Variants in MGLL observed in about 807,000 individuals in gnomAD.
MGLL encodes monoglyceride lipase.
MGLL carries 7 observed loss-of-function variants against 29.1 expected under a neutral mutation model. That is an observed-to-expected ratio of 0.24 (90% CI 0.14 to 0.45). The LOEUF (loss-of-function observed/expected upper bound fraction) is 0.45. MGLL is among the 20% of genes least tolerant of loss of function. The probability of loss-of-function intolerance (pLI) is 0.99; values close to 1 mark genes in which losing one functional copy is unlikely to be tolerated. For synonymous variants in MGLL, 148 were observed against 168.3 expected (o/e 0.88, Z 0.93); for missense variants, 356 against 413.6 (o/e 0.86, Z 1.21).
chr3:127,706,092 A>G (rs1039262177), intron 6 of MGLL, among the ~76,000 whole-genome samples: 1 of 152,218 alleles, frequency 6.6e-6, no homozygotes, highest in Non-Finnish European at 1.5e-5. Flanking sequence ...TTCTGGGTAC[A>G]TACATACCCA....
At position 127,772,370 on chromosome 3, in the gene MGLL, G is replaced by T. The variant is rs548047687; in HGVS notation, c.262+9419C>A. ...ATTGTTAGCCCATTTTACAGATGAG[G>T]AGTGTGAAGTCCGGAGAAGTCAAGT... is the stretch of plus-strand genomic sequence containing the variant. On this transcript the variant is annotated intron_variant, in intron 3 of 7. Transcript: ENST00000265052. Among the ~76,000 whole-genome samples, 9 of 152,318 alleles carry T rather than the reference G, an allele frequency of 5.9e-5. No homozygotes were observed. In the South Asian group the frequency reaches 8.3e-4, roughly 14 times the overall value.
At chr3:127,806,545 G>A (rs1301976453) in intron 2 of MGLL, among the ~76,000 whole-genome samples, 1 of 151,988 alleles carries the variant, frequency 6.6e-6, no homozygotes, top group African/African-American at 2.4e-5. Flanking sequence ...TGGACGGATG[G>A]ACTGAAGGAT....
At chr3:127,813,584 C>A (rs2077702196) in intron 2 of MGLL, among the ~76,000 whole-genome samples, 1 of 152,182 alleles carries the variant, frequency 6.6e-6, no homozygotes, top group Non-Finnish European at 1.5e-5. Context: ...GGATGAAAAG[C>A]CTGAAGCAGA....
intron 5 of MGLL, among the ~76,000 whole-genome samples, chr3:127,719,258 C>G (rs1040612815): frequency 2.6e-5 from 4 of 152,208 alleles, no homozygotes; most frequent in African/African-American, 9.7e-5. Flanking sequence ...TGCCAGGTCC[C>G]CCTGGTGCAC....
At chr3:127,790,490 G>A (rs189332138) in intron 2 of MGLL, among the ~76,000 whole-genome samples, 20 of 152,280 alleles carry the variant, frequency 1.3e-4, no homozygotes, top group Middle Eastern at 3.4e-3. Context: ...TGTCGTGGAC[G>A]ATTTACTCCC....
At chr3:127,805,313 T>C (rs542243443) in intron 2 of MGLL, among the ~76,000 whole-genome samples, 2 of 152,206 alleles carry the variant, frequency 1.3e-5, no homozygotes, top group East Asian at 3.9e-4. Flanking sequence ...GAGACGAGCA[T>C]TGAGTGATGA....
rs113451808 is a variant in MGLL at position 127,821,840 on chromosome 3, T to C, written c.11-2A>G. The C allele has an allele frequency of 6.2e-7, 1 of 1,613,286 alleles. No homozygotes were observed. The highest frequency in any genetic ancestry group is 1.1e-5 in the South Asian group (1 of 91,052). On this transcript the variant is annotated splice_acceptor_variant, in intron 1 of 7. Transcript: ENST00000265052. LOFTEE classifies it high-confidence loss of function. The stretch of plus-strand genomic sequence containing the variant: ...GCATGCTGGAAGGGTCTTCAGGTCC[T>C]AGAAGGAAAAGTGACATATTCCAAA...
At chr3:127,809,036 T>C (rs1458546250) in intron 2 of MGLL, among the ~76,000 whole-genome samples, 1 of 152,188 alleles carries the variant, frequency 6.6e-6, no homozygotes, top group Non-Finnish European at 1.5e-5. Context: ...AGGACCCAGA[T>C]TTTCCCAGCT....
intron 2 of MGLL, among the ~76,000 whole-genome samples, chr3:127,808,945 GT>G (rs35378345): frequency 0.018 from 2,738 of 152,326 alleles, 84 homozygotes; most frequent in African/African-American, 0.062. Context: ...ATACCTGGTG[GT>G]TGAGACACAT....
intron 6 of MGLL, among the ~76,000 whole-genome samples, chr3:127,707,018 G>A (rs543453741): frequency 1.3e-5 from 2 of 152,318 alleles, no homozygotes; most frequent in East Asian, 3.9e-4. Context: ...CCGAAACACC[G>A]GGCAGAGGAG....
At chr3:127,788,564 C>A (rs1330361896) in intron 2 of MGLL, among the ~76,000 whole-genome samples, 2 of 152,160 alleles carry the variant, frequency 1.3e-5, no homozygotes, top group African/African-American at 2.4e-5. Flanking sequence ...GGCACCCCTA[C>A]CCTACCCTGT....
At chr3:127,815,909 G>T (rs758687260) in intron 2 of MGLL, among the ~76,000 whole-genome samples, 2 of 152,226 alleles carry the variant, frequency 1.3e-5, no homozygotes, top group Non-Finnish European at 2.9e-5. Flanking sequence ...TGGCGCCCAA[G>T]GACCATGTAG....
chr3:127,752,164 T>A (rs1346241863), intron 3 of MGLL, among the ~76,000 whole-genome samples: 1 of 151,988 alleles, frequency 6.6e-6, no homozygotes, highest in Non-Finnish European at 1.5e-5. Flanking sequence ...ATGGCCAGTG[T>A]CGGCTCATTG....
chr3:127,766,604 A>G (rs2076860345), intron 3 of MGLL, among the ~76,000 whole-genome samples: 1 of 152,190 alleles, frequency 6.6e-6, no homozygotes, highest in Admixed American at 6.5e-5. Flanking sequence ...GTCCTCAAAA[A>G]CAGCATCAAA....
At chr3:127,775,697 A>G (rs2077023178) in intron 3 of MGLL, among the ~76,000 whole-genome samples, 1 of 152,258 alleles carries the variant, frequency 6.6e-6, no homozygotes, top group South Asian at 2.1e-4. Flanking sequence ...TTGTAAATAC[A>G]GAGGAGGCTT....
rs776452357 is a variant in MGLL, at chr3:127,781,782, C to T, written c.262+7G>A. Reference sequence around the variant, plus strand: ...AGCCAGCTCTGACGGCACCCTGGGACACTCACCATGGTCGTGGGCGAACAC... The same window carrying T: ...AGCCAGCTCTGACGGCACCCTGGGATACTCACCATGGTCGTGGGCGAACAC... On this transcript the variant is annotated splice_region_variant and intron_variant, in intron 3 of 7. Coordinates refer to ENST00000265052, the MANE Select transcript of MGLL (RefSeq NM_007283.7). 6.2e-7 allele frequency: 1 copy of T among 1,613,894 alleles called. No individual in the cohort carries two copies. The highest frequency in any genetic ancestry group is 8.5e-7 in the Non-Finnish European group (1 of 1,179,802).
intron 2 of MGLL, among the ~76,000 whole-genome samples, chr3:127,785,732 G>A (rs1185504523): frequency 2.6e-5 from 4 of 152,268 alleles, no homozygotes; most frequent in African/African-American, 7.2e-5. Context: ...CTGCAAATGT[G>A]AATGTGAGCT....
chr3:127,692,165 C>T lies in MGLL; in HGVS notation c.*33G>A. The T allele has an allele frequency of 6.2e-7, 1 of 1,610,640 alleles. No individual in the cohort carries two copies. Among genetic ancestry groups the T allele is most frequent in the Non-Finnish European group, 8.5e-7 (1 of 1,179,234 alleles). ...CTCTGCCCTTCCCCTGCCTGCATCCCCCAGACCATGAGCCGGGCACCGGCC... is the reference window on the plus strand; with the variant it reads ...CTCTGCCCTTCCCCTGCCTGCATCCTCCAGACCATGAGCCGGGCACCGGCC... On this transcript the variant is annotated 3_prime_UTR_variant, in exon 8 of 8. Coordinates refer to ENST00000265052, the MANE Select transcript of MGLL (RefSeq NM_007283.7).
chr3:127,787,847 T>C (rs1472167877), intron 2 of MGLL, among the ~76,000 whole-genome samples: 1 of 152,266 alleles, frequency 6.6e-6, no homozygotes, highest in Non-Finnish European at 1.5e-5. Flanking sequence ...CCGGCACGTC[T>C]GCCGTCCGGG....
Sources: allele counts gnomAD v4.1 joint callset (sites outside exome capture counted in the v4.1 genomes callset), GRCh38; gene constraint gnomAD v4.1.1; transcripts MANE v1.5; gene names NCBI Gene and HGNC (gene_info 2026-07-23, HGNC 2026-07-21).